AKR1C3: variants seen among roughly 807,000 people sequenced by gnomAD.
AKR1C3 encodes aldo-keto reductase family 1 member C3.
Under a neutral mutation model 43.6 loss-of-function variants are expected in AKR1C3, and 48 were observed. The ratio of observed to expected loss-of-function variants is 1.10; its 90% CI spans 0.87 to 1.40. The LOEUF is 1.40. Among genes scored for constraint, AKR1C3 ranks in the 40% most tolerant of loss-of-function variants. The pLI, the probability that AKR1C3 is intolerant of heterozygous loss-of-function variation, is 0.00. For missense variants in AKR1C3, 482 were observed against 391.2 expected, an observed-to-expected ratio of 1.23 and a Z score of -1.96; for synonymous variants, 162 against 139.6, an observed-to-expected ratio of 1.16 and a Z score of -1.13.
intron 1 of AKR1C3, among the ~76,000 whole-genome samples, chr10:5,070,035 A>G (rs539779418): frequency 1.3e-5 from 2 of 152,348 alleles, no homozygotes; most frequent in South Asian, 4.1e-4. Context: ...AAATGAAAGA[A>G]AGGAAAAAAA....
chr10:5,057,166 A>G (rs957513029), intron 1 of AKR1C3, among the ~76,000 whole-genome samples: 2 of 152,146 alleles, frequency 1.3e-5, no homozygotes, highest in Non-Finnish European at 2.9e-5. Context: ...GTGGACATGG[A>G]TGAGGGGGCA....
intron 1 of AKR1C3, among the ~76,000 whole-genome samples, chr10:5,074,334 TC>T (rs1554781605): frequency 6.6e-6 from 1 of 152,080 alleles, no homozygotes; most frequent in African/African-American, 2.4e-5. Flanking sequence ...ATTTTGGGGG[TC>T]CATACTCTAA....
At chr10:5,048,948 G>A in intron 1 of AKR1C3, 1 of 1,472,806 alleles carries the variant, frequency 6.8e-7, no homozygotes, top group African/African-American at 1.4e-5. Flanking sequence ...GCCAGAATAA[G>A]TGGAAGCTGA....
At chr10:5,074,951 G>C (rs1463768768) in intron 1 of AKR1C3, among the ~76,000 whole-genome samples, 1 of 152,164 alleles carries the variant, frequency 6.6e-6, no homozygotes, top group Non-Finnish European at 1.5e-5. Flanking sequence ...TGTGAGAACT[G>C]TGTGCTTCTC....
At chr10:5,100,267 C>A (rs553560128) in intron 5 of AKR1C3, among the ~76,000 whole-genome samples, 21 of 152,186 alleles carry the variant, frequency 1.4e-4, no homozygotes, top group African/African-American at 4.3e-4. Flanking sequence ...GCACTCCAGC[C>A]TGGGCAACAA....
rs567716887 is a variant in AKR1C3 at position 5,065,111 on chromosome 10, A to T, written c.84+16216A>T. On this transcript the variant is annotated intron_variant, in intron 1 of 8. Coordinates refer to the AKR1C3 transcript ENST00000439082. ...GGCTATTACTAAAAAGTCAAAAAAT[A>T]ACAGGTGCTGCTAAGGTTCTAATGA... is the stretch of plus-strand genomic sequence containing the variant. Among the ~76,000 whole-genome samples, 26 of 152,318 alleles carry T rather than the reference A, an allele frequency of 1.7e-4. No individual in the cohort carries two copies. In the South Asian group the frequency reaches 5.0e-3, roughly 29 times the overall value.
chr10:5,089,610 A>G (rs1193566598), upstream of AKR1C3, among the ~76,000 whole-genome samples: 2 of 152,046 alleles, frequency 1.3e-5, no homozygotes, highest in African/African-American at 2.4e-5. Flanking sequence ...TTTTCCCAAA[A>G]TAAGTATATC....
At chr10:5,058,890 C>T (rs1207979928) in intron 1 of AKR1C3, among the ~76,000 whole-genome samples, 9 of 152,144 alleles carry the variant, frequency 5.9e-5, no homozygotes, top group African/African-American at 1.9e-4. Flanking sequence ...CTCAAAAACC[C>T]GTTAGAGTCC....
At chr10:5,069,169 A>G (rs1327032069) in intron 1 of AKR1C3, among the ~76,000 whole-genome samples, 1 of 152,236 alleles carries the variant, frequency 6.6e-6, no homozygotes, top group African/African-American at 2.4e-5. Flanking sequence ...ACCAGTTTGC[A>G]CAGAGCGAAA....
In AKR1C3 at chr10:5,096,557, G is replaced by A; in HGVS notation, c.232G>A (p.Asp78Asn). Residue 78 changes from aspartate to asparagine, a missense_variant, in exon 2 of 9, where the codon GAC (aspartate) becomes AAC (asparagine). Transcript: ENST00000380554. ...TGCAGATGGCAGTGTGAAGAGAGAA[G>A]ACATATTCTACACTTCAAAGGTACT... is the stretch of plus-strand genomic sequence containing the variant. Reference protein sequence around the residue: ...KIADGSVKREDIFYTSKLWST... With the variant: ...KIADGSVKRENIFYTSKLWST... The A allele has an allele frequency of 8.7e-6, 14 of 1,613,622 alleles. No individual in the cohort carries two copies. The highest frequency in any genetic ancestry group is 1.1e-5 in the Non-Finnish European group (13 of 1,179,666).
chr10:5,081,148 T>A (rs906915069), intron 1 of AKR1C3, among the ~76,000 whole-genome samples: 15 of 152,200 alleles, frequency 9.9e-5, no homozygotes, highest in African/African-American at 3.1e-4. Flanking sequence ...AATTTGAAAC[T>A]TCTTCACATT....
At chr10:5,053,911 G>T (rs1838208201) in intron 1 of AKR1C3, among the ~76,000 whole-genome samples, 1 of 152,142 alleles carries the variant, frequency 6.6e-6, no homozygotes, top group Non-Finnish European at 1.5e-5. Context: ...GATTCTAGAG[G>T]AAACAAATTT....
At position 5,098,749 on chromosome 10, in the gene AKR1C3, A is replaced by G. The variant is rs1839274929; in HGVS notation, c.370-53A>G. The G allele has an allele frequency of 2.7e-6, 4 of 1,457,922 alleles. No homozygotes were observed. In the East Asian group the frequency reaches 6.8e-5, roughly 25 times the overall value. 90.3% of individuals were successfully genotyped at this position (1,457,922 alleles called of 1,614,324 possible). A position where few individuals can be genotyped will look rare whatever the true frequency, so the allele number is the denominator to read the frequency against. ...CTTAAAGGTACCTGGGGTTACAGCT[A>G]TGAGTGGAGAAATTAATTTGTGACA... On this transcript the variant is annotated intron_variant, in intron 3 of 8. Transcript: ENST00000380554.
intron 5 of AKR1C3, among the ~76,000 whole-genome samples, chr10:5,100,617 T>A (rs1839322774): frequency 6.6e-6 from 1 of 152,198 alleles, no homozygotes; most frequent in Admixed American, 6.5e-5. Flanking sequence ...TAATTTACAC[T>A]TTTTTATTCT....
intron 7 of AKR1C3, 143 bp from the exon 8 acceptor site, chr10:5,105,452 C>T: frequency 1.7e-6 from 1 of 573,194 alleles, no homozygotes; most frequent in Non-Finnish European, 3.1e-6. Flanking sequence ...TTCATTGACC[C>T]ACCTGAGTGT....
At chr10:5,087,849 T>C (rs1352708644) in intron 1 of AKR1C3, among the ~76,000 whole-genome samples, 1 of 152,136 alleles carries the variant, frequency 6.6e-6, no homozygotes, top group African/African-American at 2.4e-5. Context: ...ACCATTCTTA[T>C]TTCTTTTCTT....
At chr10:5,078,952 C>T (rs543783166) in intron 1 of AKR1C3, among the ~76,000 whole-genome samples, 5 of 152,262 alleles carry the variant, frequency 3.3e-5, no homozygotes, top group South Asian at 2.1e-4. Context: ...ACTCACTAGA[C>T]GTGTTCATGT....
intron 7 of AKR1C3, among the ~76,000 whole-genome samples, chr10:5,103,185 G>T (rs890852371): frequency 6.6e-6 from 1 of 152,086 alleles, no homozygotes; most frequent in African/African-American, 2.4e-5. Flanking sequence ...ACCGCTCCTG[G>T]CCTCCTCTTC....
upstream of AKR1C3, among the ~76,000 whole-genome samples, chr10:5,091,230 A>G (rs1323844181): frequency 2.6e-5 from 4 of 152,104 alleles, no homozygotes; most frequent in Non-Finnish European, 4.4e-5. Flanking sequence ...TGATGCAGGA[A>G]AGAGAGAATG....
Sources: allele counts gnomAD v4.1 joint callset (sites outside exome capture counted in the v4.1 genomes callset), GRCh38; gene constraint gnomAD v4.1.1; transcripts MANE v1.5; gene names NCBI Gene and HGNC (gene_info 2026-07-23, HGNC 2026-07-21).